Variants in PON2 observed in about 807,000 individuals in gnomAD.
PON2 encodes paraoxonase 2, also known as serum paraoxonase/arylesterase 2.
In PON2, 27 loss-of-function variants were observed where a neutral mutation model predicts 36.6. The observed-to-expected ratio is 0.74, with a 90% CI of 0.54 to 1.02. PON2 has a LOEUF of 1.02. Ranked by LOEUF, PON2 falls within the 50% of genes least tolerant of loss-of-function variation. PON2 has a pLI of 0.00. For synonymous variants in PON2, 149 were observed against 156.3 expected (o/e 0.95, Z 0.35); for missense variants, 363 against 421.1 (o/e 0.86, Z 1.21).
At chr7:95,408,602 T>G (rs959169845) in intron 6 of PON2, among the ~76,000 whole-genome samples, 1 of 152,218 alleles carries the variant, frequency 6.6e-6, no homozygotes, top group Non-Finnish European at 1.5e-5. Flanking sequence ...CAATTTAAAT[T>G]AAATGATTCT....
chr7:95,422,243 G>T (rs1024310902), intron 2 of PON2, among the ~76,000 whole-genome samples: 4 of 152,182 alleles, frequency 2.6e-5, no homozygotes, highest in Non-Finnish European at 5.9e-5. Context: ...GAATGAAGAA[G>T]GTTGTGAAAT....
intron 1 of PON2, among the ~76,000 whole-genome samples, chr7:95,430,235 C>T (rs911880780): frequency 3.9e-5 from 6 of 152,020 alleles, no homozygotes; most frequent in East Asian, 3.9e-4. Context: ...GAAGTTGATG[C>T]GGTAGGATCA....
chr7:95,415,426 G>A (rs978812213), intron 3 of PON2, among the ~76,000 whole-genome samples: 4 of 152,190 alleles, frequency 2.6e-5, no homozygotes, highest in Non-Finnish European at 5.9e-5. Flanking sequence ...AATGAAGGGT[G>A]TAAATAAACT....
At position 95,406,975 on chromosome 7, in the gene PON2, T is replaced by TA. The variant is rs777101183; in HGVS notation, c.777+11dup. 1.4e-6 allele frequency: 2 copies of TA among 1,446,840 alleles called. No homozygotes were observed. The highest frequency in any genetic ancestry group is 1.7e-5 in the Admixed American group (1 of 58,362). The allele number at this position is 1,446,840 out of a possible 1,614,324, so 89.6% of individuals were successfully genotyped here. On this transcript the variant is annotated intron_variant, in intron 7 of 8. Coordinates refer to ENST00000222572, the MANE Select transcript of PON2 (RefSeq NM_000305.3). ...ATAGATTACTGTCTATATGTAAAAA[T>TA]AAATATTTTACCTTCAACTGAGTTA...
intron 2 of PON2, among the ~76,000 whole-genome samples, chr7:95,421,933 T>TA (rs1473006990): frequency 6.6e-6 from 1 of 152,226 alleles, no homozygotes; most frequent in Non-Finnish European, 1.5e-5. Flanking sequence ...TGAATGTGGT[T>TA]ACAACTATGA....
chr7:95,428,636 A>AG (rs1789368384), intron 1 of PON2, among the ~76,000 whole-genome samples: 1 of 152,188 alleles, frequency 6.6e-6, no homozygotes, highest in African/African-American at 2.4e-5. Context: ...GATCCATTTA[A>AG]GGGTTTAATT....
At chr7:95,429,406 GC>G (rs1789388980) in intron 1 of PON2, among the ~76,000 whole-genome samples, 1 of 152,112 alleles carries the variant, frequency 6.6e-6, no homozygotes, top group Non-Finnish European at 1.5e-5. Flanking sequence ...GTGTATATGT[GC>G]CACGTTTTCT....
chr7:95,424,690 C>T, intron 1 of PON2, 105 bp from the exon 2 acceptor site: 1 of 813,236 alleles, frequency 1.2e-6, no homozygotes, highest in Non-Finnish European at 2.0e-6. Context: ...ACATAAAACA[C>T]AGTTTAAGTC....
At chr7:95,418,757 T>A (rs1789127923) in intron 2 of PON2, among the ~76,000 whole-genome samples, 1 of 152,352 alleles carries the variant, frequency 6.6e-6, no homozygotes, top group South Asian at 2.1e-4. Flanking sequence ...GAAAACTTAA[T>A]ACTGTGGGCT....
At chr7:95,433,008 A>G (rs1789478174) in intron 1 of PON2, among the ~76,000 whole-genome samples, 1 of 152,124 alleles carries the variant, frequency 6.6e-6, no homozygotes, top group Non-Finnish European at 1.5e-5. Context: ...TCTCTATTCT[A>G]GTAGTTCTCG....
intron 1 of PON2, among the ~76,000 whole-genome samples, chr7:95,430,545 C>T (rs1264561024): frequency 3.3e-5 from 5 of 151,842 alleles, no homozygotes; most frequent in East Asian, 3.9e-4. Flanking sequence ...GGTATCCACC[C>T]GCCTCAGCCT....
In PON2 at chr7:95,409,901, T is replaced by C; in HGVS notation, c.695A>G (p.Lys232Arg). The C allele has an allele frequency of 6.2e-7, 1 of 1,612,340 alleles. No individual in the cohort carries two copies. The highest frequency in any genetic ancestry group is 8.5e-7 in the Non-Finnish European group (1 of 1,179,318). Residue 232 changes from lysine (K) to arginine (R), a missense_variant and splice_region_variant, in exon 6 of 9, where the codon AAG (lysine) becomes AGG (arginine). Transcript: ENST00000222572. Reference protein sequence around the residue: ...ANGINISPDDKYIYVADILAH... With the variant: ...ANGINISPDDRYIYVADILAH... ...GAAGATATTCTATAAGGGGCCATAC[T>C]TATCATCAGGTGAAATATTGATCCC...
intron 2 of PON2, among the ~76,000 whole-genome samples, chr7:95,423,735 A>C (rs1789247319): frequency 6.6e-6 from 1 of 152,212 alleles, no homozygotes; most frequent in Non-Finnish European, 1.5e-5. Flanking sequence ...CAGGCTGCTA[A>C]TAAAGACATA....
chr7:95,431,751 G>T (rs1225361381), intron 1 of PON2, among the ~76,000 whole-genome samples: 1 of 151,728 alleles, frequency 6.6e-6, no homozygotes, highest in Non-Finnish European at 1.5e-5. Context: ...AGACTCAAAG[G>T]GTCACCAAAT....
Position 95,405,370 on chromosome 7 carries a change from A to C in PON2, c.1025T>G (p.Ile342Arg), listed in dbSNP as rs1284023335. 7 of 1,614,010 alleles carry C rather than the reference A, an allele frequency of 4.3e-6. No individual in the cohort carries two copies. Among genetic ancestry groups the C allele is most frequent in the Non-Finnish European group, 5.9e-6 (7 of 1,179,890 alleles). The change falls in exon 9 of 9, where the codon ATA becomes AGA. Residue 342 changes from isoleucine to arginine, a missense_variant. Coordinates refer to ENST00000222572, the MANE Select transcript of PON2 (RefSeq NM_000305.3). Reference protein sequence around the residue: ...VASVYDGKLLIGTLYHRALYC... With the variant: ...VASVYDGKLLRGTLYHRALYC... Reference sequence around the variant, plus strand: ...CAAGGCTCTGTGGTATAAAGTGCCTATGAGCAGCTTCCCATCATACACTGA... The same window carrying C: ...CAAGGCTCTGTGGTATAAAGTGCCTCTGAGCAGCTTCCCATCATACACTGA...
In PON2 at chr7:95,422,457, T is replaced by C. The variant is rs554385551; in HGVS notation, c.145+2058A>G. ...ATATTGTTTGCACATACACTGTTTA[T>C]ATGAACTTTGCACAAAAAATACTGT... is the stretch of plus-strand genomic sequence containing the variant. On this transcript the variant is annotated intron_variant, in intron 2 of 8. Transcript: ENST00000222572. Among the ~76,000 whole-genome samples the C allele has an allele frequency of 2.0e-5, 3 of 152,342 alleles. No individual in the cohort carries two copies. The East Asian group carries it at 5.8e-4, about 29-fold the overall frequency.
In PON2 at chr7:95,406,186, C is replaced by T; in HGVS notation, c.839G>A (p.Trp280Ter). Residue 280 changes from tryptophan (W) to a stop codon, truncating the protein, a stop_gained, in exon 8 of 9, where the codon TGG becomes TAG. Coordinates refer to ENST00000222572, the MANE Select transcript of PON2 (RefSeq NM_000305.3). LOFTEE classifies it high-confidence loss of function. ...CTGGCCATTAGGATGACAGCCTACC[C>T]AGATGTCCCCCGAGGAAGGATCAAT... ...LSIDPSSGDI[W>*]VGCHPNGQKL... 6.2e-7 allele frequency: 1 copy of T among 1,612,838 alleles called. No individual in the cohort carries two copies. Among genetic ancestry groups the T allele is most frequent in the Non-Finnish European group, 8.5e-7 (1 of 1,178,874 alleles).
chr7:95,412,118 AG>A (rs1448088634), intron 4 of PON2, among the ~76,000 whole-genome samples, 193 bp downstream of exon 4: 5 of 152,268 alleles, frequency 3.3e-5, no homozygotes, highest in Non-Finnish European at 7.3e-5. Flanking sequence ...GTTACCTGTT[AG>A]GAATTTCAAA....
chr7:95,421,440 TCCCACCCTTG>T (rs1789190139), intron 2 of PON2, among the ~76,000 whole-genome samples: 1 of 152,202 alleles, frequency 6.6e-6, no homozygotes, highest in East Asian at 1.9e-4. Flanking sequence ...TGGCCCAAAC[TCCCACCCTTG>T]CCCAACATCT....
Sources: gnomAD v4.1 joint callset for allele counts (sites outside exome capture counted in the v4.1 genomes callset) on GRCh38, gnomAD v4.1.1 for gene constraint, MANE v1.5 for transcripts, NCBI Gene and HGNC (gene_info 2026-07-23, HGNC 2026-07-21) for gene names.